HHAT: variants seen among roughly 807,000 people sequenced by gnomAD.
The protein encoded by HHAT is hedgehog acyltransferase.
HHAT carries 47 observed loss-of-function variants against 70.8 expected under a neutral mutation model. The observed-to-expected ratio is 0.66, with a 90% CI of 0.53 to 0.85. The LOEUF (loss-of-function observed/expected upper bound fraction) is 0.85, where lower values mean the gene tolerates loss of function less well. Among genes scored for constraint, HHAT ranks in the 40% least tolerant of loss-of-function variants. The pLI is 0.00. For missense variants in HHAT, 609 were observed against 604.8 expected (o/e 1.01, Z -0.07); for synonymous variants, 228 against 247.6 (o/e 0.92, Z 0.74).
chr1:210,477,583 C>A (rs2094324056), intron 8 of HHAT, among the ~76,000 whole-genome samples: 1 of 152,192 alleles, frequency 6.6e-6, no homozygotes, highest in South Asian at 2.1e-4. Flanking sequence ...AAAGCATCAT[C>A]AGGGGCATGG....
chr1:210,370,931 G>A (rs868141919), intron 3 of HHAT, among the ~76,000 whole-genome samples: 41 of 152,116 alleles, frequency 2.7e-4, no homozygotes, highest in African/African-American at 8.9e-4. Context: ...CTATTTTTAC[G>A]TTAGGCAGAG....
chr1:210,647,468 C>T (rs1342642149), intron 11 of HHAT, among the ~76,000 whole-genome samples: 2 of 152,202 alleles, frequency 1.3e-5, no homozygotes, highest in Non-Finnish European at 2.9e-5. Flanking sequence ...TATCTCTCCA[C>T]TGTAACCAGC....
chr1:210,426,271 G>A (rs1418461264), intron 7 of HHAT, among the ~76,000 whole-genome samples: 2 of 151,966 alleles, frequency 1.3e-5, no homozygotes, highest in African/African-American at 2.4e-5. Context: ...TCTCAACATC[G>A]ATAATGTTAC....
intron 6 of HHAT, among the ~76,000 whole-genome samples, chr1:210,417,936 G>A (rs2092773019): frequency 6.6e-6 from 1 of 152,134 alleles, no homozygotes; most frequent in South Asian, 2.1e-4. Flanking sequence ...AGGCTAGCTT[G>A]TTGACCCCCA....
intron 11 of HHAT, among the ~76,000 whole-genome samples, chr1:210,635,254 A>G (rs1270128568): frequency 6.6e-6 from 1 of 152,206 alleles, no homozygotes; most frequent in African/African-American, 2.4e-5. Context: ...AACTGCAAGC[A>G]TCCTGGGATC....
chr1:210,671,022 AT>A (rs1350395279), intron 11 of HHAT, among the ~76,000 whole-genome samples: 3 of 152,106 alleles, frequency 2.0e-5, no homozygotes, highest in African/African-American at 7.2e-5. Flanking sequence ...CGTGCTAAAC[AT>A]GTCTATGCCT....
At chr1:210,577,803 G>A (rs944933951) in intron 9 of HHAT, among the ~76,000 whole-genome samples, 3 of 151,710 alleles carry the variant, frequency 2.0e-5, no homozygotes, top group Admixed American at 6.6e-5. Context: ...GCACCACCAC[G>A]CTGGGCTAAT....
At chr1:210,540,772 G>A (rs2095422570) in intron 9 of HHAT, among the ~76,000 whole-genome samples, 1 of 151,932 alleles carries the variant, frequency 6.6e-6, no homozygotes, top group East Asian at 1.9e-4. Flanking sequence ...AGGTTCCCAA[G>A]TAGCTGGAAC....
chr1:210,475,933 G>A (rs2094299284), intron 8 of HHAT, among the ~76,000 whole-genome samples: 1 of 152,194 alleles, frequency 6.6e-6, no homozygotes, highest in Admixed American at 6.5e-5. Context: ...TAAGGATTTA[G>A]ATATTATCAT....
chr1:210,356,646 G>A (rs1011953017), intron 2 of HHAT, among the ~76,000 whole-genome samples: 1 of 152,066 alleles, frequency 6.6e-6, no homozygotes, highest in East Asian at 1.9e-4. Context: ...TACTAAGCTC[G>A]ATTTATGAAG....
At chr1:210,533,463 A>G (rs11119529) in intron 9 of HHAT, among the ~76,000 whole-genome samples, 68,301 of 151,724 alleles carry the variant, frequency 0.45, 16,160 homozygotes, top group Non-Finnish European at 0.52. Flanking sequence ...GCCTGAGAAA[A>G]CTGCATCCCC....
intron 1 of HHAT, among the ~76,000 whole-genome samples, chr1:210,342,150 A>G (rs538720253): frequency 6.6e-6 from 1 of 151,134 alleles, no homozygotes; most frequent in South Asian, 2.1e-4. Flanking sequence ...TGGTTCCAGC[A>G]CTCTCTCCAC....
At chr1:210,538,544 AAAG>A in intron 9 of HHAT, among the ~76,000 whole-genome samples, 1 of 152,360 alleles carries the variant, frequency 6.6e-6, no homozygotes, top group Non-Finnish European at 1.5e-5. Flanking sequence ...TCACATAATT[AAAG>A]TTCTCTTTGG....
rs902579493 is a variant in HHAT at position 210,675,649 on chromosome 1, A to C, written c.*1270A>C. On this transcript the variant is annotated 3_prime_UTR_variant, in exon 12 of 12. Transcript: ENST00000261458. The stretch of plus-strand genomic sequence containing the variant: ...TACATAGCATGGCCCTTATGTCTTG[A>C]GTTGAGGTTATCATCTCAATGAGGC... 6.6e-6 allele frequency: 1 copy of C among 152,134 alleles called. No homozygotes were observed. The allele number at this position is 152,134 out of a possible 1,614,324, so 9.4% of individuals were successfully genotyped here. A position where few individuals can be genotyped will look rare whatever the true frequency, so the allele number is the denominator to read the frequency against.
intron 1 of HHAT, among the ~76,000 whole-genome samples, chr1:210,333,281 C>T (rs955728266): frequency 6.6e-6 from 1 of 152,102 alleles, no homozygotes; most frequent in African/African-American, 2.4e-5. Flanking sequence ...TGCAGCCACT[C>T]CCCAGTGCTA....
intron 11 of HHAT, among the ~76,000 whole-genome samples, chr1:210,656,790 G>A (rs775806404): frequency 1.1e-4 from 16 of 152,094 alleles, no homozygotes; most frequent in Non-Finnish European, 1.8e-4. Context: ...CAGACTCCCT[G>A]ACATCCCAGT....
intron 9 of HHAT, among the ~76,000 whole-genome samples, chr1:210,538,065 C>T (rs1425837436): frequency 6.7e-6 from 1 of 149,022 alleles, no homozygotes; most frequent in Non-Finnish European, 1.5e-5. Context: ...AACAATTGTA[C>T]ACATTTTGTA....
At chr1:210,515,397 C>T (rs965067292) in intron 9 of HHAT, among the ~76,000 whole-genome samples, 1 of 152,174 alleles carries the variant, frequency 6.6e-6, no homozygotes, top group African/African-American at 2.4e-5. Context: ...AGAGTCAGTT[C>T]TCCATCTCAC....
chr1:210,533,634 C>T (rs2095338629), intron 9 of HHAT, among the ~76,000 whole-genome samples: 1 of 152,114 alleles, frequency 6.6e-6, no homozygotes, highest in Non-Finnish European at 1.5e-5. Flanking sequence ...AGAGTGGCAG[C>T]ATTTGTATAT....
Sources: gnomAD v4.1 joint callset for allele counts (sites outside exome capture counted in the v4.1 genomes callset) on GRCh38, gnomAD v4.1.1 for gene constraint, MANE v1.5 for transcripts, NCBI Gene and HGNC (gene_info 2026-07-23, HGNC 2026-07-21) for gene names.